The following RAB12 variants were observed in gnomAD, a reference collection of about 807,000 sequenced individuals.
RAB12 encodes ras-related protein Rab-12.
In RAB12, 11 loss-of-function variants were observed where a neutral mutation model predicts 28.4. The observed-to-expected ratio is 0.39, with a 90% CI of 0.24 to 0.64. The LOEUF is 0.64. Ranked by LOEUF, RAB12 falls within the 30% of genes least tolerant of loss-of-function variation. RAB12 has a pLI of 0.50. For missense variants in RAB12, 276 were observed against 351.1 expected (o/e 0.79, Z 1.71); for synonymous variants, 138 against 145.3 (o/e 0.95, Z 0.36).
chr18:8,634,730 C>T (rs920528802), intron 3 of RAB12, among the ~76,000 whole-genome samples: 2 of 152,180 alleles, frequency 1.3e-5, no homozygotes, highest in Non-Finnish European at 1.5e-5. Context: ...GTCACTGTTA[C>T]CCACACCTCC....
At chr18:8,621,819 C>CTG (rs1555616309) in intron 1 of RAB12, among the ~76,000 whole-genome samples, 7 of 151,760 alleles carry the variant, frequency 4.6e-5, no homozygotes, top group African/African-American at 1.7e-4. Flanking sequence ...TTCTTTTTGT[C>CTG]TGAGTACTCA....
rs536422166 is a variant in RAB12, at chr18:8,634,952, A to G, written c.715-581A>G. 7.2e-4 allele frequency among the ~76,000 whole-genome samples: 110 copies of G among 152,344 alleles called. 1 individual carries two copies. Among genetic ancestry groups the G allele is most frequent in the South Asian group, 6.2e-4 (3 of 4,828 alleles). On this transcript the variant is annotated intron_variant, in intron 3 of 5. Transcript: ENST00000649141. ...ATGTAGCTTAACTTTTTTCCTGGTT[A>G]TAAAATTAATGATACCTTCATTATA...
chr18:8,622,481 C>G (rs1277773897), intron 1 of RAB12, among the ~76,000 whole-genome samples: 1 of 152,132 alleles, frequency 6.6e-6, no homozygotes, highest in Non-Finnish European at 1.5e-5. Flanking sequence ...ACAAAACCAG[C>G]AAGTTTTTAT....
intron 3 of RAB12, among the ~76,000 whole-genome samples, chr18:8,633,535 T>C (rs916073100): frequency 6.6e-6 from 1 of 152,220 alleles, no homozygotes; most frequent in Non-Finnish European, 1.5e-5. Context: ...TCAGGATTTT[T>C]CGTCTGGTAT....
chr18:8,634,289 T>C (rs1264144343), intron 3 of RAB12, among the ~76,000 whole-genome samples: 1 of 147,360 alleles, frequency 6.8e-6, no homozygotes, highest in Non-Finnish European at 1.5e-5. Context: ...CTCTCTTTTT[T>C]TTTTTTTTTT....
At chr18:8,621,347 A>G (rs9964754) in intron 1 of RAB12, among the ~76,000 whole-genome samples, 19,221 of 152,262 alleles carry the variant, frequency 0.13, 1,398 homozygotes, top group Admixed American at 0.17. Context: ...ATGTTTAGTC[A>G]TGTACTTTGA....
chr18:8,618,899 G>C (rs1219366658), intron 1 of RAB12, among the ~76,000 whole-genome samples: 1 of 152,144 alleles, frequency 6.6e-6, no homozygotes, highest in Non-Finnish European at 1.5e-5. Context: ...CTGGCCTTAT[G>C]CCCACATGAC....
chr18:8,609,716 C>G lies in RAB12; in HGVS notation c.277C>G (p.Pro93Ala). The G allele has an allele frequency of 9.2e-7, 1 of 1,091,762 alleles. No homozygotes were observed. Among genetic ancestry groups the G allele is most frequent in the Non-Finnish European group, 1.1e-6 (1 of 897,928 alleles). 67.6% of individuals were successfully genotyped at this position (1,091,762 alleles called of 1,614,324 possible). A position where few individuals can be genotyped will look rare whatever the true frequency, so the allele number is the denominator to read the frequency against. Residue 93 changes from proline (P) to alanine (A), a missense_variant, in exon 1 of 6, where the codon CCG becomes GCG. This residue lies in a region of RAB12 where 72 missense variants were observed against 55.5 expected (regional missense o/e 1.30). Transcript: ENST00000649141. Reference sequence around the variant, plus strand: ...CGGCGGGCGGCGGGCCGAGCGGGAGCCGCATGCGTGTATGGATCCGGGCGC... The same window carrying G: ...CGGCGGGCGGCGGGCCGAGCGGGAGGCGCATGCGTGTATGGATCCGGGCGC... ...GGGGRRAERE[P>A]HACMDPGAAL...
In RAB12 at chr18:8,637,918, T is replaced by C. The variant is rs558283324; in HGVS notation, c.910-231T>C. Among the ~76,000 whole-genome samples the C allele has an allele frequency of 3.3e-5, 5 of 152,178 alleles. No homozygotes were observed. The South Asian group carries it at 8.3e-4, about 25-fold the overall frequency. ...GGTCTTCATCTGTGTCATCTTCACA[T>C]TGAGTAGGCTGAGGAGGAGGAGGAG... On this transcript the variant is annotated intron_variant, in intron 5 of 5. Transcript: ENST00000649141.
chr18:8,638,870 C>T lies in RAB12; in HGVS notation c.*608C>T, dbSNP rs573512746. The stretch of plus-strand genomic sequence containing the variant: ...GTTGGATTTGACTTGGTCCTAAGGC[C>T]ACAGAATCTCTCTCATGGCTTCCTA... On this transcript the variant is annotated 3_prime_UTR_variant, in exon 6 of 6. Transcript: ENST00000649141. 2 of 152,358 alleles carry T rather than the reference C, an allele frequency of 1.3e-5. No homozygotes were observed. The highest frequency in any genetic ancestry group is 4.1e-4 in the South Asian group (2 of 4,824). 9.4% of individuals were successfully genotyped at this position (152,358 alleles called of 1,614,324 possible).
At chr18:8,635,682 T>C in intron 4 of RAB12, 60 bp downstream of exon 4, 1 of 995,466 alleles carries the variant, frequency 1.0e-6, no homozygotes, top group Non-Finnish European at 1.5e-6. Flanking sequence ...AGGTACTGTT[T>C]CTTTTAATAA....
At chr18:8,625,197 G>GT (rs2096012000) in intron 2 of RAB12, among the ~76,000 whole-genome samples, 199 bp downstream of exon 2, 1 of 152,242 alleles carries the variant, frequency 6.6e-6, no homozygotes, top group Non-Finnish European at 1.5e-5. Flanking sequence ...ACTTGCACAT[G>GT]GGGAGCAGTT....
Position 8,636,374 on chromosome 18 carries a change from A to G in RAB12, c.909+17A>G. On this transcript the variant is annotated intron_variant, in intron 5 of 5. Transcript: ENST00000649141. ...CTGAAAAAGGTAAAAAAAAGAATCT[A>G]CATTATAAAAGTATATCATCTGAAA... The G allele has an allele frequency of 6.9e-7, 1 of 1,442,324 alleles. No homozygotes were observed. Among genetic ancestry groups the G allele is most frequent in the Non-Finnish European group, 9.7e-7 (1 of 1,035,888 alleles). The allele number at this position is 1,442,324 out of a possible 1,614,324, so 89.3% of individuals were successfully genotyped here. A position where few individuals can be genotyped will look rare whatever the true frequency, so the allele number is the denominator to read the frequency against.
At chr18:8,634,285 T>C (rs1445636874) in intron 3 of RAB12, among the ~76,000 whole-genome samples, 35 of 97,954 alleles carry the variant, frequency 3.6e-4, no homozygotes, top group African/African-American at 1.6e-3. Context: ...CTCTCTCTCT[T>C]TTTTTTTTTT....
chr18:8,626,263 G>C (rs1360255734), intron 2 of RAB12, among the ~76,000 whole-genome samples: 1 of 152,226 alleles, frequency 6.6e-6, no homozygotes, highest in Non-Finnish European at 1.5e-5. Context: ...ACAAGCTGCT[G>C]TTTCTAATTA....
At chr18:8,611,452 G>C (rs1176327472) in intron 1 of RAB12, among the ~76,000 whole-genome samples, 1 of 152,144 alleles carries the variant, frequency 6.6e-6, no homozygotes, top group Non-Finnish European at 1.5e-5. Flanking sequence ...GGGTGAGATG[G>C]ATGAGCAAAG....
intron 5 of RAB12, 97 bp downstream of exon 5, chr18:8,636,454 A>G (rs2096019001): frequency 3.9e-6 from 3 of 760,660 alleles, no homozygotes; most frequent in Non-Finnish European, 6.3e-6. Context: ...AGAAACCAAA[A>G]TACAGTAGTT....
At chr18:8,610,581 G>A (rs750802190) in intron 1 of RAB12, among the ~76,000 whole-genome samples, 1 of 152,188 alleles carries the variant, frequency 6.6e-6, no homozygotes, top group South Asian at 2.1e-4. Context: ...CGCTGTTTTC[G>A]GTGAGGGACA....
chr18:8,619,020 T>C (rs1279481180), intron 1 of RAB12, among the ~76,000 whole-genome samples: 1 of 152,222 alleles, frequency 6.6e-6, no homozygotes, highest in African/African-American at 2.4e-5. Context: ...TAGAATATTA[T>C]ATCCAATTTA....
Sources: gnomAD v4.1 joint callset for allele counts (sites outside exome capture counted in the v4.1 genomes callset) on GRCh38, gnomAD v4.1.1 for gene constraint, gnomAD v4.1.1 regional missense constraint, MANE v1.5 for transcripts, NCBI Gene and HGNC (gene_info 2026-07-23, HGNC 2026-07-21) for gene names.